ARID4B: variants seen among roughly 807,000 people sequenced by gnomAD.
The protein encoded by ARID4B is AT-rich interactive domain-containing protein 4B.
ARID4B carries 26 observed loss-of-function variants against 147.5 expected under a neutral mutation model. The observed-to-expected ratio is 0.18, with a 90% CI of 0.13 to 0.24. The LOEUF (loss-of-function observed/expected upper bound fraction) is 0.24, where lower values mean the gene tolerates loss of function less well. Ranked by LOEUF, ARID4B falls within the 10% of genes least tolerant of loss-of-function variation. ARID4B has a pLI of 1.00. For missense variants in ARID4B, 1,179 were observed against 1,511.5 expected, an observed-to-expected ratio of 0.78 and a Z score of 3.65; for synonymous variants, 512 against 507.9, an observed-to-expected ratio of 1.01 and a Z score of -0.11.
chr1:235,311,869 C>T (rs1572218293), intron 2 of ARID4B, among the ~76,000 whole-genome samples: 1 of 152,166 alleles, frequency 6.6e-6, no homozygotes, highest in East Asian at 1.9e-4. Context: ...AAGAAACATA[C>T]CGGTGCCCTA....
chr1:235,175,570 CA>C, intron 21 of ARID4B, 171 bp from the exon 22 acceptor site: 2 of 599,736 alleles, frequency 3.3e-6, no homozygotes, highest in Non-Finnish European at 2.9e-6. Flanking sequence ...AAAGCAAAAA[CA>C]AAAAATTCTT....
intron 2 of ARID4B, among the ~76,000 whole-genome samples, chr1:235,304,456 T>C (rs2103257240): frequency 6.6e-6 from 1 of 152,328 alleles, no homozygotes; most frequent in South Asian, 2.1e-4. Context: ...TCAAGGTCCC[T>C]TTTCATTATC....
At chr1:235,213,622 A>G in intron 17 of ARID4B, 147 bp downstream of exon 17, 1 of 816,316 alleles carries the variant, frequency 1.2e-6, no homozygotes, top group Non-Finnish European at 1.8e-6. Flanking sequence ...TAAGTGAGGT[A>G]TTTACATGCT....
At chr1:235,206,048 G>GTA (rs1327682400) in intron 17 of ARID4B, among the ~76,000 whole-genome samples, 2 of 152,042 alleles carry the variant, frequency 1.3e-5, no homozygotes, top group African/African-American at 2.4e-5. Flanking sequence ...CCTATTATAG[G>GTA]TATCACTTTA....
intron 2 of ARID4B, 21 bp downstream of exon 2, chr1:235,326,893 G>A: frequency 6.2e-7 from 1 of 1,613,888 alleles, no homozygotes; most frequent in South Asian, 1.1e-5. Context: ...CCAGAGATTC[G>A]TTTTCCGCAG....
At chr1:235,223,818 T>C (rs948447513) in intron 12 of ARID4B, among the ~76,000 whole-genome samples, 2 of 151,650 alleles carry the variant, frequency 1.3e-5, no homozygotes, top group African/African-American at 4.8e-5. Flanking sequence ...CTACAAAATA[T>C]ATGACTGGCT....
intron 20 of ARID4B, chr1:235,181,134 G>C: frequency 9.8e-7 from 1 of 1,025,056 alleles, no homozygotes; most frequent in Non-Finnish European, 1.2e-6. Flanking sequence ...TGCCTGGACA[G>C]TTGGTTGCTC....
intron 9 of ARID4B, among the ~76,000 whole-genome samples, 162 bp downstream of exon 9, chr1:235,234,251 T>C (rs1485309064): frequency 1.3e-5 from 2 of 152,074 alleles, no homozygotes; most frequent in African/African-American, 4.8e-5. Flanking sequence ...CTACAACACA[T>C]TAAGATAATA....
chr1:235,265,041 C>G (rs1230958872), intron 2 of ARID4B, among the ~76,000 whole-genome samples: 4 of 144,720 alleles, frequency 2.8e-5, no homozygotes, highest in Non-Finnish European at 4.5e-5. Flanking sequence ...GCCTGGGCAA[C>G]AAGAGTGAAA....
chr1:235,188,888 A>G (rs989276542), intron 19 of ARID4B, among the ~76,000 whole-genome samples: 1 of 152,184 alleles, frequency 6.6e-6, no homozygotes, highest in African/African-American at 2.4e-5. Context: ...CTTCATAATC[A>G]TAAGACAGCC....
intron 2 of ARID4B, among the ~76,000 whole-genome samples, chr1:235,292,633 T>A (rs560503732): frequency 3.6e-4 from 52 of 144,098 alleles, no homozygotes; most frequent in African/African-American, 5.0e-4. Context: ...AAAAAAAAAA[T>A]TCCAAATTTT....
At chr1:235,325,551 ATTAT>A (rs570836047) in intron 2 of ARID4B, among the ~76,000 whole-genome samples, 157 of 152,338 alleles carry the variant, frequency 1.0e-3, no homozygotes, top group African/African-American at 3.6e-3. Flanking sequence ...TTCTGAACTT[ATTAT>A]TTCTTACTCA....
intron 8 of ARID4B, among the ~76,000 whole-genome samples, chr1:235,239,510 C>T (rs1489227204): frequency 2.0e-5 from 3 of 152,142 alleles, no homozygotes; most frequent in African/African-American, 7.2e-5. Context: ...CTAGTTATGT[C>T]CGTGAAAGAT....
intron 2 of ARID4B, among the ~76,000 whole-genome samples, chr1:235,306,677 A>T (rs1004355530): frequency 1.4e-4 from 22 of 152,046 alleles, no homozygotes; most frequent in African/African-American, 5.3e-4. Flanking sequence ...TTTTTAAGAC[A>T]GAGTCTCTCC....
chr1:235,267,646 C>A (rs927423127), intron 2 of ARID4B, among the ~76,000 whole-genome samples: 6 of 152,132 alleles, frequency 3.9e-5, no homozygotes, highest in African/African-American at 1.2e-4. Context: ...TCCTGGCTAA[C>A]CCGGTGAAAC....
intron 2 of ARID4B, among the ~76,000 whole-genome samples, chr1:235,278,819 C>T (rs1671498123): frequency 6.6e-6 from 1 of 152,196 alleles, no homozygotes; most frequent in Non-Finnish European, 1.5e-5. Flanking sequence ...GGGAATTTTA[C>T]AGATTACATT....
intron 6 of ARID4B, among the ~76,000 whole-genome samples, chr1:235,252,132 A>G (rs1337169194): frequency 1.3e-5 from 2 of 152,226 alleles, no homozygotes; most frequent in Non-Finnish European, 2.9e-5. Context: ...AGGCACTGTT[A>G]CAGCAACTAG....
chr1:235,290,069 G>C (rs1179956873), intron 2 of ARID4B, among the ~76,000 whole-genome samples: 2 of 151,514 alleles, frequency 1.3e-5, no homozygotes, highest in African/African-American at 4.8e-5. Flanking sequence ...TTCACTATCA[G>C]ATTGGCAAAA....
rs199988948 is a variant in ARID4B, at chr1:235,326,895, T to C, written c.6+19A>G. The C allele has an allele frequency of 3.8e-5, 61 of 1,613,936 alleles. No individual in the cohort carries two copies. The Admixed American group carries it at 9.8e-4, about 26-fold the overall frequency. ...GAATTCGATAACCCCAGAGATTCGT[T>C]TTCCGCAGGCAATCTTACCTTCATG... is the stretch of plus-strand genomic sequence containing the variant. On this transcript the variant is annotated intron_variant, in intron 2 of 23. Coordinates refer to ENST00000264183, the MANE Select transcript of ARID4B (RefSeq NM_016374.6).
Sources: gnomAD v4.1 joint callset for allele counts (sites outside exome capture counted in the v4.1 genomes callset) on GRCh38, gnomAD v4.1.1 for gene constraint, MANE v1.5 for transcripts, NCBI Gene and HGNC (gene_info 2026-07-23, HGNC 2026-07-21) for gene names.